Variants in CUL3 observed in about 807,000 individuals in gnomAD.
The protein encoded by CUL3 is cullin 3, also known as cullin-3.
Under a neutral mutation model 89.1 loss-of-function variants are expected in CUL3, and 19 were observed. That is an observed-to-expected ratio of 0.21 (90% confidence interval 0.15 to 0.31). The LOEUF (loss-of-function observed/expected upper bound fraction) is 0.31. Ranked by LOEUF, CUL3 falls within the 10% of genes least tolerant of loss-of-function variation. The pLI is 1.00. For missense variants in CUL3, 469 were observed against 942.3 expected (o/e 0.50, Z 6.58); for synonymous variants, 351 against 308.4 (o/e 1.14, Z -1.45).
chr2:224,471,219 C>T lies in CUL3; in HGVS notation c.*3026G>A, dbSNP rs748865811. 3.2e-4 allele frequency: 67 copies of T among 210,920 alleles called. No individual in the cohort carries two copies. The highest frequency in any genetic ancestry group is 6.0e-4 in the Non-Finnish European group (62 of 104,084). The allele number at this position is 210,920 out of a possible 1,614,324, so 13.1% of individuals were successfully genotyped here. A position where few individuals can be genotyped will look rare whatever the true frequency, so the allele number is the denominator to read the frequency against. ...ATGACCTACAATTGATATGCAACAG[C>T]TTTCCTTCCAAGATTGACACAATAT... is the stretch of plus-strand genomic sequence containing the variant. On this transcript the variant is annotated 3_prime_UTR_variant, in exon 16 of 16. Coordinates refer to ENST00000264414, the MANE Select transcript of CUL3 (RefSeq NM_003590.5).
At chr2:224,515,523 A>T (rs1056434429) in intron 3 of CUL3, among the ~76,000 whole-genome samples, 3 of 152,160 alleles carry the variant, frequency 2.0e-5, no homozygotes, top group African/African-American at 7.2e-5. Context: ...AGCCTTCTAA[A>T]ATTATTAAGT....
chr2:224,567,134 G>T (rs1695060809), intron 1 of CUL3, among the ~76,000 whole-genome samples: 1 of 152,148 alleles, frequency 6.6e-6, no homozygotes, highest in Non-Finnish European at 1.5e-5. Context: ...AAAAATATGT[G>T]AAAACCGCAA....
chr2:224,572,186 A>G (rs747674705), intron 1 of CUL3, among the ~76,000 whole-genome samples: 3 of 152,186 alleles, frequency 2.0e-5, no homozygotes, highest in Non-Finnish European at 4.4e-5. Flanking sequence ...TCCTTCCATA[A>G]ATTCAAGTCA....
intron 3 of CUL3, among the ~76,000 whole-genome samples, chr2:224,521,517 G>A (rs1693261462): frequency 1.3e-5 from 2 of 149,980 alleles, no homozygotes; most frequent in African/African-American, 2.5e-5. Context: ...TGCAACTTCC[G>A]CCTCCCAGGT....
In CUL3 at chr2:224,496,870, A is replaced by G. The variant is rs185008158; in HGVS notation, c.1707+883T>C. Among the ~76,000 whole-genome samples the G allele has an allele frequency of 1.6e-3, 247 of 152,062 alleles. 2 individuals carry two copies. The highest frequency in any genetic ancestry group is 5.4e-3 in the African/African-American group (223 of 41,482). ...TTCAAAAGAACATGATTATTTAGGG[A>G]AAAAAAACCCTCTTTTAAAACAAAA... is the stretch of plus-strand genomic sequence containing the variant. On this transcript the variant is annotated intron_variant, in intron 12 of 15. Coordinates refer to ENST00000264414, the MANE Select transcript of CUL3 (RefSeq NM_003590.5).
chr2:224,549,886 A>C (rs1375243986), intron 2 of CUL3, among the ~76,000 whole-genome samples: 1 of 152,182 alleles, frequency 6.6e-6, no homozygotes, highest in Non-Finnish European at 1.5e-5. Flanking sequence ...ACGCACACAC[A>C]CACACGCAAA....
chr2:224,484,057 G>A (rs928290176), intron 13 of CUL3, among the ~76,000 whole-genome samples: 6 of 152,114 alleles, frequency 3.9e-5, no homozygotes, highest in Non-Finnish European at 7.4e-5. Flanking sequence ...TGTAGTCCCA[G>A]CTACTCATGA....
At chr2:224,534,529 T>C (rs1490972415) in intron 3 of CUL3, among the ~76,000 whole-genome samples, 2 of 152,190 alleles carry the variant, frequency 1.3e-5, no homozygotes, top group African/African-American at 4.8e-5. Context: ...TATTCAGCTT[T>C]TGTTTCTCAT....
intron 8 of CUL3, among the ~76,000 whole-genome samples, chr2:224,504,476 AT>A (rs1692513264): frequency 6.6e-6 from 1 of 151,900 alleles, no homozygotes; most frequent in Non-Finnish European, 1.5e-5. Flanking sequence ...CACCCGGCTA[AT>A]TTTGTATTTT....
chr2:224,525,557 ATTTT>A (rs1185032979), intron 3 of CUL3, among the ~76,000 whole-genome samples: 1 of 152,180 alleles, frequency 6.6e-6, no homozygotes, highest in African/African-American at 2.4e-5. Context: ...AACACAATAA[ATTTT>A]TTTGTTTTAT....
At chr2:224,555,286 C>A (rs2106300037) in intron 2 of CUL3, among the ~76,000 whole-genome samples, 1 of 152,218 alleles carries the variant, frequency 6.6e-6, no homozygotes, top group East Asian at 1.9e-4. Context: ...CAATTGGTGG[C>A]ACTATAATTC....
chr2:224,559,772 G>C (rs183085290), intron 1 of CUL3, among the ~76,000 whole-genome samples: 27 of 152,222 alleles, frequency 1.8e-4, no homozygotes, highest in African/African-American at 6.5e-4. Flanking sequence ...TGAAAGAGCT[G>C]ATCACTCCTA....
rs886055680 is a variant in CUL3, at chr2:224,470,853, T to C, written c.*3392A>G. 5.2e-5 allele frequency: 12 copies of C among 229,828 alleles called. No homozygotes were observed. Among genetic ancestry groups the C allele is most frequent in the Non-Finnish European group, 9.5e-5 (11 of 116,054 alleles). 14.2% of individuals were successfully genotyped at this position (229,828 alleles called of 1,614,324 possible). Reference sequence around the variant, plus strand: ...TCATGTGAATGAGGTACAAAATAAATGAAAATTTTTTAATATGGAAAATCA... The same window carrying C: ...TCATGTGAATGAGGTACAAAATAAACGAAAATTTTTTAATATGGAAAATCA... On this transcript the variant is annotated 3_prime_UTR_variant, in exon 16 of 16. Transcript: ENST00000264414.
At chr2:224,507,709 C>G (rs968967435) in intron 6 of CUL3, among the ~76,000 whole-genome samples, 5 of 152,120 alleles carry the variant, frequency 3.3e-5, no homozygotes, top group African/African-American at 1.2e-4. Flanking sequence ...AATGAAAACT[C>G]TGGATCCTAT....
rs569694332 is a variant in CUL3 at position 224,580,394 on chromosome 2, G to A, written c.66+4550C>T. Among the ~76,000 whole-genome samples the A allele has an allele frequency of 2.4e-4, 36 of 152,242 alleles. No homozygotes were observed. The South Asian group carries it at 5.0e-3, about 21-fold the overall frequency. ...AATGATGAAGGTATACTTAAAATAC[G>A]CACTAAGGCTGAAACGCGGTGGCTC... is the stretch of plus-strand genomic sequence containing the variant. On this transcript the variant is annotated intron_variant, in intron 1 of 15. Coordinates refer to ENST00000264414, the MANE Select transcript of CUL3 (RefSeq NM_003590.5).
intron 13 of CUL3, among the ~76,000 whole-genome samples, chr2:224,494,221 A>AT (rs913408412): frequency 7.2e-5 from 11 of 151,854 alleles, no homozygotes; most frequent in African/African-American, 2.2e-4. Flanking sequence ...CAAACACACT[A>AT]TTTTTTTTCT....
intron 2 of CUL3, among the ~76,000 whole-genome samples, chr2:224,542,534 C>G (rs1215497751): frequency 6.6e-6 from 1 of 150,434 alleles, no homozygotes; most frequent in African/African-American, 2.5e-5. Context: ...TGTGTGCCAG[C>G]ACTTCTGGCT....
intron 3 of CUL3, among the ~76,000 whole-genome samples, chr2:224,519,622 CTAT>C (rs1392523818): frequency 2.0e-5 from 3 of 152,072 alleles, no homozygotes. Flanking sequence ...CTCTATAAAA[CTAT>C]TAATAGTAAT....
chr2:224,534,511 T>G (rs1693811331), intron 3 of CUL3, among the ~76,000 whole-genome samples: 1 of 152,234 alleles, frequency 6.6e-6, no homozygotes, highest in African/African-American at 2.4e-5. Context: ...TAAAAACTTG[T>G]AAGAGAATAT....
Sources: allele counts gnomAD v4.1 joint callset (sites outside exome capture counted in the v4.1 genomes callset), GRCh38; gene constraint gnomAD v4.1.1; transcripts MANE v1.5; gene names NCBI Gene and HGNC (gene_info 2026-07-23, HGNC 2026-07-21).